The following ACCSL variants were observed in gnomAD, a reference collection of about 807,000 sequenced individuals.
ACCSL encodes 1-aminocyclopropane-1-carboxylate synthase homolog (inactive) like.
A neutral mutation model predicts 61.7 loss-of-function variants in ACCSL; 55 were observed. The ratio of observed to expected loss-of-function variants is 0.89; its 90% confidence interval spans 0.72 to 1.12. The LOEUF (loss-of-function observed/expected upper bound fraction) is 1.12. ACCSL is among the 50% of genes most tolerant of loss of function. ACCSL has a pLI of 0.00. For synonymous variants in ACCSL, 258 were observed against 264.3 expected, an observed-to-expected ratio of 0.98 and a Z score of 0.23; for missense variants, 632 against 698.0, an observed-to-expected ratio of 0.91 and a Z score of 1.07.
In ACCSL at chr11:44,048,445, A is replaced by C; in HGVS notation, c.409A>C (p.Ile137Leu). ...TGCCTTTGTCAACCGCGACCTATCC[A>C]TCCGTGGGATTGACATCTCTGTCTT... ...EAAFVNRDLS[I>L]RGIDISVFYQ... Residue 137 changes from isoleucine to leucine, a missense_variant, in exon 1 of 14, where the codon ATC becomes CTC. Coordinates refer to ENST00000378832, the MANE Select transcript of ACCSL (RefSeq NM_001031854.2). The C allele has an allele frequency of 6.2e-7, 1 of 1,613,686 alleles. No homozygotes were observed. Among genetic ancestry groups the C allele is most frequent in the South Asian group, 1.1e-5 (1 of 91,074 alleles).
At chr11:43,951,828 C>T in the ACCSL span, among the ~76,000 whole-genome samples, 10 of 152,086 alleles carry the variant, frequency 6.6e-5, no homozygotes, top group Non-Finnish European at 1.2e-4. Flanking sequence ...TGGTGAAGCC[C>T]TGTCTCTACT....
At chr11:43,949,861 A>C in the ACCSL span, among the ~76,000 whole-genome samples, 1 of 148,350 alleles carries the variant, frequency 6.7e-6, no homozygotes, top group South Asian at 2.1e-4. Flanking sequence ...ACAACAAAAC[A>C]TACTTACCTC....
At position 44,051,300 on chromosome 11, in the gene ACCSL, C is replaced by T. The variant is rs115037013; in HGVS notation, c.636-35C>T. 1.0e-3 allele frequency: 1,689 copies of T among 1,612,262 alleles called. 22 individuals are homozygous for T. The African/African-American group carries it at 0.02, about 19-fold the overall frequency. On this transcript the variant is annotated intron_variant, in intron 3 of 13. Transcript: ENST00000378832. Reference sequence around the variant, plus strand: ...TAGACCATGAGTGAGGAAAGGGGCCCGGAAGCCACAAGGTCTCTCTGGGTC... The same window carrying T: ...TAGACCATGAGTGAGGAAAGGGGCCTGGAAGCCACAAGGTCTCTCTGGGTC...
chr11:43,993,837 T>G, the ACCSL span, among the ~76,000 whole-genome samples: 1 of 152,228 alleles, frequency 6.6e-6, no homozygotes, highest in Non-Finnish European at 1.5e-5. Flanking sequence ...TTTGGATTGC[T>G]GCAGCGATTG....
At chr11:43,935,991 GC>G in the ACCSL span, among the ~76,000 whole-genome samples, 125 of 152,344 alleles carry the variant, frequency 8.2e-4, 1 homozygote, top group East Asian at 0.012. Flanking sequence ...GTCCCAGAGG[GC>G]AAGAGGAAGC....
At chr11:44,006,571 TCTC>T in the ACCSL span, among the ~76,000 whole-genome samples, 1 of 147,368 alleles carries the variant, frequency 6.8e-6, no homozygotes, top group African/African-American at 2.5e-5. Context: ...AGTGGTGCAA[TCTC>T]GGCTTACTGC....
At chr11:44,001,956 G>C in the ACCSL span, among the ~76,000 whole-genome samples, 4 of 118,552 alleles carry the variant, frequency 3.4e-5, no homozygotes, top group East Asian at 8.0e-4. Flanking sequence ...CCTGGTGACA[G>C]GTCCTCTCAG....
the ACCSL span, among the ~76,000 whole-genome samples, chr11:43,931,999 G>A: frequency 1.5e-4 from 23 of 152,202 alleles, no homozygotes; most frequent in African/African-American, 5.1e-4. Context: ...AGGCCTTAGG[G>A]AGAACGGGCT....
chr11:43,957,707 AG>A, the ACCSL span, among the ~76,000 whole-genome samples: 2 of 152,210 alleles, frequency 1.3e-5, no homozygotes, highest in African/African-American at 4.8e-5. Flanking sequence ...TCTATACCAG[AG>A]TCAGGTTGGA....
chr11:44,042,320 C>CATGGGA, the ACCSL span, among the ~76,000 whole-genome samples: 35 of 152,232 alleles, frequency 2.3e-4, no homozygotes, highest in African/African-American at 8.2e-4. Context: ...TTCTAACTTC[C>CATGGGA]ATGGGAACTG....
At chr11:43,984,449 A>G in the ACCSL span, among the ~76,000 whole-genome samples, 2 of 152,138 alleles carry the variant, frequency 1.3e-5, no homozygotes, top group African/African-American at 2.4e-5. Flanking sequence ...AGATGAATGG[A>G]CTATGGGATC....
At chr11:44,028,349 C>A in the ACCSL span, among the ~76,000 whole-genome samples, 21 of 151,986 alleles carry the variant, frequency 1.4e-4, 1 homozygote, top group Admixed American at 1.4e-3. Flanking sequence ...TTATTTGTAC[C>A]AGCACTGTCC....
At chr11:44,036,856 C>T in the ACCSL span, among the ~76,000 whole-genome samples, 2 of 151,984 alleles carry the variant, frequency 1.3e-5, no homozygotes, top group Admixed American at 1.3e-4. Flanking sequence ...GTTCCTCTAC[C>T]TCTCTCTGGA....
intron 3 of ACCSL, among the ~76,000 whole-genome samples, chr11:44,051,044 T>C (rs1180759903): frequency 6.6e-6 from 1 of 152,122 alleles, no homozygotes; most frequent in Non-Finnish European, 1.5e-5. Flanking sequence ...GGTTTCACCA[T>C]GTTTGCCAGC....
chr11:43,996,171 G>A, the ACCSL span, among the ~76,000 whole-genome samples: 2 of 152,194 alleles, frequency 1.3e-5, no homozygotes, highest in East Asian at 3.8e-4. Context: ...CTGACACCTT[G>A]ATCTCAGATT....
chr11:44,033,255 G>T, the ACCSL span, among the ~76,000 whole-genome samples: 14 of 152,218 alleles, frequency 9.2e-5, no homozygotes, highest in Middle Eastern at 3.4e-3. Flanking sequence ...ACTCACCCAT[G>T]GCCACGTAGT....
chr11:44,002,233 G>A, the ACCSL span, among the ~76,000 whole-genome samples: 2 of 152,042 alleles, frequency 1.3e-5, no homozygotes, highest in African/African-American at 4.8e-5. Context: ...GAAGGGGTGG[G>A]TTTGAGAGCG....
the ACCSL span, among the ~76,000 whole-genome samples, chr11:44,002,570 G>A: frequency 6.6e-6 from 1 of 152,282 alleles, no homozygotes; most frequent in Admixed American, 6.5e-5. Flanking sequence ...AAGAGACCTG[G>A]CTTTGGGAAA....
the ACCSL span, among the ~76,000 whole-genome samples, chr11:44,004,686 C>T: frequency 8.9e-4 from 136 of 152,292 alleles, no homozygotes; most frequent in Non-Finnish European, 2.9e-4. Flanking sequence ...CTTTCCCTTC[C>T]ATCTGCCCGC....
Sources: gnomAD v4.1 joint callset for allele counts (sites outside exome capture counted in the v4.1 genomes callset) on GRCh38, gnomAD v4.1.1 for gene constraint, MANE v1.5 for transcripts, NCBI Gene and HGNC (gene_info 2026-07-23, HGNC 2026-07-21) for gene names.